FHIT: variants seen among roughly 807,000 people sequenced by gnomAD.
FHIT encodes fragile histidine triad diadenosine triphosphatase, also known as bis(5'-adenosyl)-triphosphatase.
FHIT carries 19 observed loss-of-function variants against 17.9 expected under a neutral mutation model. That is an observed-to-expected ratio of 1.06 (90% CI 0.74 to 1.56). The LOEUF is 1.56. FHIT is among the 40% of genes most tolerant of loss of function. The pLI is 0.00. For synonymous variants in FHIT, 81 were observed against 69.7 expected (o/e 1.16, Z -0.81); for missense variants, 248 against 189.2 (o/e 1.31, Z -1.82).
intron 4 of FHIT, among the ~76,000 whole-genome samples, chr3:60,706,894 T>C (rs1036355377): frequency 5.3e-5 from 8 of 152,316 alleles, no homozygotes; most frequent in East Asian, 3.9e-4. Flanking sequence ...AGTTATACAA[T>C]TGTGGCACTT....
In FHIT at chr3:60,339,269, T is replaced by C. The variant is rs570515610; in HGVS notation, c.103+197591A>G. Among the ~76,000 whole-genome samples, 3 of 152,260 alleles carry C rather than the reference T, an allele frequency of 2.0e-5. No individual in the cohort carries two copies. In the South Asian group the frequency reaches 6.2e-4, roughly 32 times the overall value. ...TCTCAGGATCCAAAAGTAAACTAAC[T>C]TTCCTAAACCTCTTCAGTATTAAAG... On this transcript the variant is annotated intron_variant, in intron 5 of 9. Transcript: ENST00000492590.
intron 2 of FHIT, among the ~76,000 whole-genome samples, chr3:61,176,827 G>C (rs2038170363): frequency 6.6e-6 from 1 of 152,162 alleles, no homozygotes; most frequent in Non-Finnish European, 1.5e-5. Flanking sequence ...TTCTAGCTGA[G>C]AGGAAACATG....
chr3:60,282,672 G>A (rs1201476002), intron 5 of FHIT, among the ~76,000 whole-genome samples: 5 of 152,084 alleles, frequency 3.3e-5, no homozygotes, highest in African/African-American at 1.2e-4. Flanking sequence ...TGGTGGGGCG[G>A]GGATGGGGGA....
chr3:60,681,793 G>A (rs782177535), intron 4 of FHIT, among the ~76,000 whole-genome samples: 1 of 152,104 alleles, frequency 6.6e-6, no homozygotes, highest in South Asian at 2.1e-4. Context: ...GGCTAAAAGA[G>A]GTAAAGAAGC....
chr3:60,962,577 A>G (rs1269146962), intron 3 of FHIT, among the ~76,000 whole-genome samples: 1 of 152,204 alleles, frequency 6.6e-6, no homozygotes, highest in Non-Finnish European at 1.5e-5. Context: ...TGTCATAGAT[A>G]GCTTGCATTA....
At chr3:60,114,051 A>ATATATG (rs1176493123) in intron 5 of FHIT, among the ~76,000 whole-genome samples, 1 of 79,782 alleles carries the variant, frequency 1.3e-5, no homozygotes, top group African/African-American at 5.0e-5. Context: ...ATATATATAT[A>ATATATG]TATATATATA....
intron 5 of FHIT, among the ~76,000 whole-genome samples, chr3:60,419,624 C>A (rs1702396296): frequency 6.6e-6 from 1 of 152,146 alleles, no homozygotes; most frequent in Admixed American, 6.5e-5. Flanking sequence ...TCCATTAGCA[C>A]ATGTGTGGTG....
intron 2 of FHIT, among the ~76,000 whole-genome samples, chr3:61,137,744 A>G (rs1226742423): frequency 1.3e-5 from 2 of 152,190 alleles, no homozygotes; most frequent in African/African-American, 2.4e-5. Flanking sequence ...TCAGAGCCCA[A>G]GGTTAGAAAG....
At chr3:60,526,717 A>G (rs1255741094) in intron 5 of FHIT, among the ~76,000 whole-genome samples, 1 of 152,150 alleles carries the variant, frequency 6.6e-6, no homozygotes, top group African/African-American at 2.4e-5. Flanking sequence ...CACAGAGCAC[A>G]TGGGAAGCTC....
At chr3:59,963,891 A>AACT (rs966782867) in intron 7 of FHIT, among the ~76,000 whole-genome samples, 5 of 152,230 alleles carry the variant, frequency 3.3e-5, no homozygotes, top group African/African-American at 1.2e-4. Context: ...GTTGGATGTA[A>AACT]ACTAATAAAC....
intron 8 of FHIT, among the ~76,000 whole-genome samples, chr3:59,871,615 A>G (rs1158273440): frequency 6.6e-6 from 1 of 152,148 alleles, no homozygotes; most frequent in African/African-American, 2.4e-5. Context: ...ACTCCAAAGA[A>G]CTGATAATGA....
intron 2 of FHIT, among the ~76,000 whole-genome samples, chr3:61,065,882 A>G (rs542510125): frequency 4.6e-5 from 7 of 152,178 alleles, no homozygotes; most frequent in Non-Finnish European, 7.3e-5. Context: ...AGATGCCTTC[A>G]ACTTACTGTA....
chr3:60,972,866 T>C (rs1710081533), intron 3 of FHIT, among the ~76,000 whole-genome samples: 2 of 152,236 alleles, frequency 1.3e-5, no homozygotes. Flanking sequence ...CTACTTAGTT[T>C]TAAATTACAC....
intron 5 of FHIT, among the ~76,000 whole-genome samples, chr3:60,384,927 C>T (rs574384806): frequency 6.6e-5 from 10 of 151,714 alleles, no homozygotes; most frequent in Non-Finnish European, 8.8e-5. Context: ...CCCTTTCTTT[C>T]GCTCTATACA....
intron 4 of FHIT, among the ~76,000 whole-genome samples, chr3:60,689,283 T>G (rs2107881075): frequency 6.6e-6 from 1 of 152,190 alleles, no homozygotes; most frequent in South Asian, 2.1e-4. Context: ...CAGTCTCAGG[T>G]ATGTCTTTAT....
intron 5 of FHIT, among the ~76,000 whole-genome samples, chr3:60,224,474 A>C (rs1704097345): frequency 6.6e-6 from 1 of 152,150 alleles, no homozygotes; most frequent in Admixed American, 6.5e-5. Context: ...CTTGTTCTTC[A>C]AGGAATCTTC....
chr3:60,679,863 A>G (rs530873126), intron 4 of FHIT, among the ~76,000 whole-genome samples: 1 of 152,106 alleles, frequency 6.6e-6, no homozygotes, highest in African/African-American at 2.4e-5. Context: ...ATTAGATTGC[A>G]TTCTTCTGAA....
chr3:60,256,777 T>C (rs886754099), intron 5 of FHIT, among the ~76,000 whole-genome samples: 1 of 152,162 alleles, frequency 6.6e-6, no homozygotes, highest in Non-Finnish European at 1.5e-5. Flanking sequence ...TCAGGTGCAA[T>C]AGTCTCCTAA....
At chr3:59,917,777 G>A (rs1171455793) in intron 8 of FHIT, among the ~76,000 whole-genome samples, 1 of 152,184 alleles carries the variant, frequency 6.6e-6, no homozygotes, top group Non-Finnish European at 1.5e-5. Context: ...AACAGAAGGT[G>A]AAAACAAACT....
Sources: gnomAD v4.1 joint callset for allele counts (sites outside exome capture counted in the v4.1 genomes callset) on GRCh38, gnomAD v4.1.1 for gene constraint, MANE v1.5 for transcripts, NCBI Gene and HGNC (gene_info 2026-07-23, HGNC 2026-07-21) for gene names.